Variants in SCHIP1 observed in about 807,000 individuals in gnomAD.
SCHIP1 encodes the protein schwannomin-interacting protein 1.
In SCHIP1, 8 loss-of-function variants were observed where a neutral mutation model predicts 29.7. The observed-to-expected ratio is 0.27, with a 90% CI of 0.16 to 0.49. The LOEUF (loss-of-function observed/expected upper bound fraction) is 0.49. Among genes scored for constraint, SCHIP1 ranks in the 20% least tolerant of loss-of-function variants. The pLI is 0.99. For missense variants in SCHIP1, 193 were observed against 294.6 expected (o/e 0.66, Z 2.52); for synonymous variants, 76 against 94.9 (o/e 0.80, Z 1.16).
the SCHIP1 span, among the ~76,000 whole-genome samples, chr3:159,581,116 G>A: frequency 5.3e-4 from 80 of 152,210 alleles, 2 homozygotes; most frequent in Middle Eastern, 6.8e-3. Context: ...AAAATTTGGG[G>A]AAGACGACTT....
the SCHIP1 span, among the ~76,000 whole-genome samples, chr3:159,608,885 G>A: frequency 6.6e-6 from 1 of 152,076 alleles, no homozygotes; most frequent in African/African-American, 2.4e-5. Flanking sequence ...CTGCTTCCAG[G>A]CACTCTCTCA....
At chr3:159,721,319 A>C in the SCHIP1 span, among the ~76,000 whole-genome samples, 2 of 152,252 alleles carry the variant, frequency 1.3e-5, no homozygotes, top group African/African-American at 4.8e-5. Context: ...TTGCTTTTTA[A>C]ATAGGAAATC....
At chr3:159,384,422 T>C in the SCHIP1 span, among the ~76,000 whole-genome samples, 1 of 150,870 alleles carries the variant, frequency 6.6e-6, no homozygotes, top group East Asian at 2.0e-4. Context: ...TATTGATTTG[T>C]GTATATTGAA....
the SCHIP1 span, among the ~76,000 whole-genome samples, chr3:159,437,721 T>C: frequency 1.3e-3 from 201 of 152,252 alleles, no homozygotes; most frequent in African/African-American, 4.4e-3. Flanking sequence ...GCTGGATTCT[T>C]GCTCAAAGGA....
the SCHIP1 span, among the ~76,000 whole-genome samples, chr3:159,403,447 TG>T: frequency 6.6e-6 from 1 of 152,172 alleles, no homozygotes; most frequent in Non-Finnish European, 1.5e-5. Flanking sequence ...CCTTTGGCAG[TG>T]GCTGTATGGC....
At chr3:159,310,715 G>A in the SCHIP1 span, among the ~76,000 whole-genome samples, 18 of 152,264 alleles carry the variant, frequency 1.2e-4, no homozygotes, top group African/African-American at 4.1e-4. Context: ...AACTCAATGT[G>A]GTAGAGCACG....
At chr3:159,554,011 TG>T in the SCHIP1 span, among the ~76,000 whole-genome samples, 15 of 122,414 alleles carry the variant, frequency 1.2e-4, no homozygotes, top group African/African-American at 6.0e-4. Context: ...TGTGTGTGTG[TG>T]TGTGTGTTTG....
At chr3:159,680,418 A>T in the SCHIP1 span, among the ~76,000 whole-genome samples, 1 of 147,200 alleles carries the variant, frequency 6.8e-6, no homozygotes, top group African/African-American at 2.5e-5. Flanking sequence ...CTGAGGCAGG[A>T]GAACTGCTTG....
the SCHIP1 span, among the ~76,000 whole-genome samples, chr3:159,322,268 C>CA: frequency 2.6e-5 from 4 of 152,064 alleles, no homozygotes; most frequent in Admixed American, 2.6e-4. Flanking sequence ...AAAACAGAGC[C>CA]AAATTTATTT....
intron 1 of SCHIP1, among the ~76,000 whole-genome samples, chr3:159,850,987 T>C (rs1712551100): frequency 6.6e-6 from 1 of 152,204 alleles, no homozygotes; most frequent in African/African-American, 2.4e-5. Context: ...TTAAAAGCTA[T>C]GCTTGGATGG....
At chr3:159,710,152 G>T in the SCHIP1 span, among the ~76,000 whole-genome samples, 1 of 152,102 alleles carries the variant, frequency 6.6e-6, no homozygotes, top group African/African-American at 2.4e-5. Flanking sequence ...ATTCACTGCA[G>T]TTCTATTCAC....
At chr3:159,554,678 T>G in the SCHIP1 span, among the ~76,000 whole-genome samples, 49 of 152,156 alleles carry the variant, frequency 3.2e-4, no homozygotes, top group African/African-American at 1.0e-3. Flanking sequence ...TTCTTCTGAG[T>G]GGTCCCTGCT....
the SCHIP1 span, among the ~76,000 whole-genome samples, chr3:159,343,287 G>A: frequency 2.6e-5 from 4 of 152,138 alleles, no homozygotes; most frequent in Admixed American, 1.3e-4. Flanking sequence ...CACATTCTAA[G>A]ACACCTAGTA....
At chr3:159,529,777 C>T in the SCHIP1 span, among the ~76,000 whole-genome samples, 3 of 152,174 alleles carry the variant, frequency 2.0e-5, no homozygotes. Context: ...CCTTCCCAGC[C>T]TCTGGTAACC....
At chr3:159,525,158 A>G in the SCHIP1 span, among the ~76,000 whole-genome samples, 1 of 151,882 alleles carries the variant, frequency 6.6e-6, no homozygotes, top group Non-Finnish European at 1.5e-5. Context: ...ACTTTCCCTG[A>G]CCCCCTACTT....
At chr3:159,779,528 C>T in the SCHIP1 span, among the ~76,000 whole-genome samples, 1 of 150,416 alleles carries the variant, frequency 6.6e-6, no homozygotes, top group Non-Finnish European at 1.5e-5. Flanking sequence ...AAAAAGTTAG[C>T]TGGTCATGGT....
intron 1 of SCHIP1, among the ~76,000 whole-genome samples, chr3:159,844,010 C>T (rs1711507748): frequency 6.6e-6 from 1 of 152,184 alleles, no homozygotes; most frequent in African/African-American, 2.4e-5. Flanking sequence ...TGGAGACTTT[C>T]CCAGTTAACT....
the SCHIP1 span, among the ~76,000 whole-genome samples, chr3:159,540,962 C>A: frequency 1.3e-5 from 2 of 152,160 alleles, no homozygotes; most frequent in Admixed American, 6.6e-5. Flanking sequence ...ATAACTAACA[C>A]TAACCCATCA....
At chr3:159,419,588 C>A in the SCHIP1 span, among the ~76,000 whole-genome samples, 1 of 152,168 alleles carries the variant, frequency 6.6e-6, no homozygotes, top group East Asian at 1.9e-4. Flanking sequence ...GCAGGTAGAT[C>A]ACCTGAGGTC....
Sources: gnomAD v4.1 joint callset for allele counts (sites outside exome capture counted in the v4.1 genomes callset) on GRCh38, gnomAD v4.1.1 for gene constraint, MANE v1.5 for transcripts, NCBI Gene and HGNC (gene_info 2026-07-23, HGNC 2026-07-21) for gene names.